Variants in MGAM observed in about 807,000 individuals in gnomAD.
MGAM encodes the protein maltase-glucoamylase.
MGAM carries 253 observed loss-of-function variants against 358.8 expected under a neutral mutation model. The ratio of observed to expected loss-of-function variants is 0.71; its 90% CI spans 0.64 to 0.78. MGAM has a LOEUF of 0.78. Among genes scored for constraint, MGAM ranks in the 30% least tolerant of loss-of-function variants. The pLI is 0.00. For synonymous variants in MGAM, 1,105 were observed against 1,227.1 expected, an observed-to-expected ratio of 0.90 and a Z score of 2.08; for missense variants, 3,080 against 3,432.6, an observed-to-expected ratio of 0.90 and a Z score of 2.57.
At position 142,106,690 on chromosome 7, in the gene MGAM, C is replaced by T. The variant is rs1325392029; in HGVS notation, c.*799C>T. 1 of 152,168 alleles carries T rather than the reference C, an allele frequency of 6.6e-6. No homozygotes were observed. Among genetic ancestry groups the T allele is most frequent in the Non-Finnish European group, 1.5e-5 (1 of 68,034 alleles). 9.4% of individuals were successfully genotyped at this position (152,168 alleles called of 1,614,324 possible). ...TTCTAATGTATACAACCACATTTCA[C>T]ATAAAAATATGCAATTTATATGCCA... On this transcript the variant is annotated 3_prime_UTR_variant, in exon 71 of 71. Transcript: ENST00000475668.
intron 3 of MGAM, among the ~76,000 whole-genome samples, chr7:142,013,269 T>G (rs537916369): frequency 1.1e-4 from 16 of 152,156 alleles, no homozygotes; most frequent in Middle Eastern, 3.4e-3. Flanking sequence ...GTTGAGTGAC[T>G]GAGGTCTAAT....
At chr7:142,095,772 G>A (rs1420888780) in intron 64 of MGAM, 59 bp downstream of exon 64, 12 of 1,594,936 alleles carry the variant, frequency 7.5e-6, no homozygotes, top group Non-Finnish European at 9.4e-6. Context: ...TCTATATGGT[G>A]ACAGTTGAAT....
chr7:142,042,476 A>T lies in MGAM; in HGVS notation c.2498+1630A>T, dbSNP rs1297343989. ...TATAACATATAATATATAATATATAATATATATTATATACATATATATAAT... is the reference window on the plus strand; with the variant it reads ...TATAACATATAATATATAATATATATTATATATTATATACATATATATAAT... On this transcript the variant is annotated intron_variant, in intron 21 of 70. Transcript: ENST00000475668. 7.2e-4 allele frequency among the ~76,000 whole-genome samples: 9 copies of T among 12,478 alleles called. 3 individuals carry two copies. Among genetic ancestry groups the T allele is most frequent in the African/African-American group, 3.5e-3 (7 of 2,024 alleles). 8.2% of individuals were successfully genotyped at this position (12,478 alleles called of 152,430 possible). A position where few individuals can be genotyped will look rare whatever the true frequency, so the allele number is the denominator to read the frequency against.
Position 142,076,772 on chromosome 7 carries a change from C to A in MGAM, c.5439C>A (p.His1813Gln). Reference sequence around the variant, plus strand: ...AACCTAGCAATGTTACGGTGAAACACAATGGTGTCCCAAGTCAGACTTCTC... The same window carrying A: ...AACCTAGCAATGTTACGGTGAAACAAAATGGTGTCCCAAGTCAGACTTCTC... ...MEEPSNVTVK[H>Q]NGVPSQTSPT... The change falls in exon 47 of 71, where the codon CAC becomes CAA. Residue 1813 changes from histidine (H) to glutamine (Q), a missense_variant. His to Gln is a conservative substitution (Grantham distance 24). Coordinates refer to ENST00000475668, the MANE Select transcript of MGAM (RefSeq NM_001365693.1). 6.4e-7 allele frequency: 1 copy of A among 1,555,254 alleles called. No homozygotes were observed. The highest frequency in any genetic ancestry group is 8.8e-7 in the Non-Finnish European group (1 of 1,131,622).
chr7:142,074,236 C>T, intron 45 of MGAM, 63 bp downstream of exon 45: 1 of 1,131,104 alleles, frequency 8.8e-7, no homozygotes, highest in South Asian at 1.3e-5. Context: ...TGGTCCTTCA[C>T]TCCTGCTGGT....
At chr7:142,017,112 C>T (rs1806032245) in intron 3 of MGAM, among the ~76,000 whole-genome samples, 1 of 151,934 alleles carries the variant, frequency 6.6e-6, no homozygotes, top group Non-Finnish European at 1.5e-5. Flanking sequence ...TGCTAGTCCC[C>T]ACCCCTACTC....
At chr7:142,042,845 CATAT>C (rs1194583866) in intron 21 of MGAM, among the ~76,000 whole-genome samples, 2 of 40,258 alleles carry the variant, frequency 5.0e-5, no homozygotes, top group African/African-American at 1.6e-4. Flanking sequence ...ATTATATATA[CATAT>C]AATATCTAAA....
intron 2 of MGAM, among the ~76,000 whole-genome samples, chr7:141,990,652 A>C (rs1554447098): frequency 1.3e-5 from 2 of 151,488 alleles, no homozygotes; most frequent in Non-Finnish European, 2.9e-5. Flanking sequence ...AGGTTCTGTT[A>C]TTTCTTTTTT....
chr7:142,070,885 G>GCAGGTATGTTGAACTT lies in MGAM; in HGVS notation c.5062-109_5062-108insCAGGTATGTTGAACTT. 12 of 1,388,224 alleles carry GCAGGTATGTTGAACTT rather than the reference G, an allele frequency of 8.6e-6. 2 individuals carry two copies. In the South Asian group the frequency reaches 1.2e-4, roughly 14 times the overall value. The allele number at this position is 1,388,224 out of a possible 1,614,324, so 86.0% of individuals were successfully genotyped here. On this transcript the variant is annotated intron_variant, in intron 43 of 70. Coordinates refer to ENST00000475668, the MANE Select transcript of MGAM (RefSeq NM_001365693.1). Reference sequence around the variant, plus strand: ...TAATAGCAGGTATGTTGCAAAGGGTGATGAACAGGCATAAGTTCAGAGGGG... The same window carrying GCAGGTATGTTGAACTT: ...TAATAGCAGGTATGTTGCAAAGGGTGCAGGTATGTTGAACTTATGAACAGGCATAAGTTCAGAGGGG...
chr7:142,021,489 T>C (rs1319596098), intron 5 of MGAM, 97 bp from the exon 6 acceptor site: 4 of 1,247,724 alleles, frequency 3.2e-6, no homozygotes, highest in Non-Finnish European at 4.5e-6. Flanking sequence ...ATGAGGTCAG[T>C]TTGATCAGTG....
chr7:142,050,633 G>T (rs1810854384), intron 23 of MGAM, 64 bp from the exon 24 acceptor site: 2 of 1,497,908 alleles, frequency 1.3e-6, no homozygotes, highest in Non-Finnish European at 1.8e-6. Context: ...GAATATTTGA[G>T]TGACTTGAGA....
intron 43 of MGAM, among the ~76,000 whole-genome samples, chr7:142,070,297 T>C (rs550587928): frequency 6.8e-6 from 1 of 146,346 alleles, no homozygotes; most frequent in South Asian, 2.2e-4. Context: ...TAATTAATCT[T>C]CCCAAGTTTG....
intron 48 of MGAM, 89 bp from the exon 49 acceptor site, chr7:142,078,719 A>G (rs113483537): frequency 0.014 from 18,626 of 1,301,008 alleles, 2,090 homozygotes; most frequent in African/African-American, 0.096. Flanking sequence ...TTTTATTGTC[A>G]TATAAAATGA....
chr7:142,045,011 TA>T (rs1809864009), intron 21 of MGAM, among the ~76,000 whole-genome samples: 1 of 102,992 alleles, frequency 9.7e-6, no homozygotes, highest in African/African-American at 3.6e-5. Flanking sequence ...ATATATGATA[TA>T]TAATATGTAT....
chr7:142,055,602 TC>T lies in MGAM; in HGVS notation c.3361del (p.Arg1121AlafsTer68). ...LLGFTFSDMF[I>X]RISTRLPSKY... ...GGCTTTACCTTCAGTGACATGTTTA[TC>T]CGCATCTCCACCCGCCTTCCCTCCA... On this transcript the variant is annotated frameshift_variant, in exon 28 of 71. Transcript: ENST00000475668. LOFTEE classifies it high-confidence loss of function. The T allele has an allele frequency of 6.2e-7, 1 of 1,613,938 alleles. No individual in the cohort carries two copies. Among genetic ancestry groups the T allele is most frequent in the Non-Finnish European group, 8.5e-7 (1 of 1,179,872 alleles).
At chr7:142,062,837 C>T in intron 35 of MGAM, 135 bp downstream of exon 35, 2 of 1,447,866 alleles carry the variant, frequency 1.4e-6, no homozygotes, top group Non-Finnish European at 1.8e-6. Context: ...ACACTTCTTC[C>T]TCTCAGGAGA....
intron 33 of MGAM, 104 bp downstream of exon 33, chr7:142,060,070 T>C (rs1298883687): frequency 1.5e-6 from 2 of 1,346,588 alleles, no homozygotes; most frequent in Non-Finnish European, 2.0e-6. Flanking sequence ...ATTTTTGGCC[T>C]TTTCTATTTG....
chr7:142,102,619 T>A lies in MGAM; in HGVS notation c.7964-11T>A. On this transcript the variant is annotated splice_polypyrimidine_tract_variant and intron_variant, in intron 68 of 70. Transcript: ENST00000475668. ...GGTCCAGGCCATGTTTATCTTGTTT[T>A]TTGTTTGCAGATACCTATGGGAAAG... 1 of 1,612,706 alleles carries A rather than the reference T, an allele frequency of 6.2e-7. No homozygotes were observed. Among genetic ancestry groups the A allele is most frequent in the Non-Finnish European group, 8.5e-7 (1 of 1,179,228 alleles).
intron 19 of MGAM, 111 bp from the exon 20 acceptor site, chr7:142,040,004 A>G (rs1028135821): frequency 4.8e-6 from 4 of 827,790 alleles, no homozygotes; most frequent in South Asian, 4.7e-5. Flanking sequence ...GAAGAAAGGC[A>G]TAATAGCAGG....
Sources: gnomAD v4.1 joint callset for allele counts (sites outside exome capture counted in the v4.1 genomes callset) on GRCh38, gnomAD v4.1.1 for gene constraint, MANE v1.5 for transcripts, NCBI Gene and HGNC (gene_info 2026-07-23, HGNC 2026-07-21) for gene names.